Variants in RREB1 observed in about 807,000 individuals in gnomAD.
RREB1 encodes the protein ras-responsive element-binding protein 1.
RREB1 carries 27 observed loss-of-function variants against 117.8 expected under a neutral mutation model. The ratio of observed to expected loss-of-function variants is 0.23; its 90% CI spans 0.17 to 0.32. The LOEUF is 0.32. RREB1 is among the 10% of genes least tolerant of loss of function. The probability of loss-of-function intolerance (pLI) is 1.00; values close to 1 mark genes in which losing one functional copy is unlikely to be tolerated. For synonymous variants in RREB1, 1,298 were observed against 1,026.7 expected (o/e 1.26, Z -5.05); for missense variants, 2,577 against 2,378.2 (o/e 1.08, Z -1.74).
intron 1 of RREB1, among the ~76,000 whole-genome samples, chr6:7,117,266 A>T (rs1761442031): frequency 6.6e-6 from 1 of 152,134 alleles, no homozygotes; most frequent in Non-Finnish European, 1.5e-5. Context: ...CTGAATATAC[A>T]AAATCAAAAT....
At chr6:7,223,377 C>T (rs1767383275) in intron 8 of RREB1, among the ~76,000 whole-genome samples, 1 of 151,026 alleles carries the variant, frequency 6.6e-6, no homozygotes, top group South Asian at 2.1e-4. Flanking sequence ...GCCTGGCCAA[C>T]ATGGAGAAAC....
chr6:7,200,359 TC>T lies in RREB1; in HGVS notation c.426-10443del, dbSNP rs1337316901. On this transcript the variant is annotated intron_variant, in intron 6 of 12. Coordinates refer to ENST00000379938, the MANE Select transcript of RREB1 (RefSeq NM_001003699.4). Reference sequence around the variant, plus strand: ...GGAGCGCAATGGCACAATCTCTGCCTCCTGGGTTCAAGCAATTCTCCTGCTT... The same window carrying T: ...GGAGCGCAATGGCACAATCTCTGCCTCTGGGTTCAAGCAATTCTCCTGCTT... 2.7e-5 allele frequency among the ~76,000 whole-genome samples: 4 copies of T among 150,676 alleles called. No individual in the cohort carries two copies. The East Asian group carries it at 7.9e-4, about 30-fold the overall frequency.
At chr6:7,169,574 G>A (rs960480511) in intron 1 of RREB1, among the ~76,000 whole-genome samples, 1 of 152,206 alleles carries the variant, frequency 6.6e-6, no homozygotes, top group African/African-American at 2.4e-5. Context: ...GGGGAGCCGG[G>A]TGCTGTGTGA....
chr6:7,161,777 G>T (rs192664427), intron 1 of RREB1, among the ~76,000 whole-genome samples: 25 of 152,124 alleles, frequency 1.6e-4, no homozygotes, highest in African/African-American at 5.5e-4. Context: ...CGCCTGCCTG[G>T]CCTCCTTTTG....
Position 7,231,018 on chromosome 6 carries a change from A to G in RREB1, c.2919A>G (p.Pro973=). The G allele has an allele frequency of 1.2e-6, 2 of 1,614,092 alleles. No individual in the cohort carries two copies. The highest frequency in any genetic ancestry group is 1.1e-5 in the South Asian group (1 of 91,090). The change falls in exon 10 of 13, where the codon CCA becomes CCG. Residue 973 remains proline (P), a synonymous_variant. Coordinates refer to ENST00000379938, the MANE Select transcript of RREB1 (RefSeq NM_001003699.4). ...AGSSEQPSPC[P]APGPSLPVTL... is the part of the protein sequence containing the mutation. ...GCAGCGAGCAGCCCTCTCCCTGCCCAGCACCCGGCCCTTCTCTTCCTGTAA... is the reference window on the plus strand; with the variant it reads ...GCAGCGAGCAGCCCTCTCCCTGCCCGGCACCCGGCCCTTCTCTTCCTGTAA...
chr6:7,210,893 G>A lies in RREB1; in HGVS notation c.515G>A (p.Arg172Lys), dbSNP rs1237382345. Residue 172 changes from arginine (R) to lysine (K), a missense_variant, in exon 7 of 13, where the codon AGG (arginine) becomes AAG (lysine). Physicochemically the swap from Arg to Lys is conservative, Grantham distance 26. Coordinates refer to ENST00000379938, the MANE Select transcript of RREB1 (RefSeq NM_001003699.4). ...PLKRRRLSSK[R>K]KLSHDAESER... ...AAACGTAGGCGATTGTCCTCCAAGA[G>A]GAAACTGAGTCACGATGCCGAGTCA... 1.9e-6 allele frequency: 3 copies of A among 1,614,168 alleles called. No individual in the cohort carries two copies. The highest frequency in any genetic ancestry group is 1.7e-6 in the Non-Finnish European group (2 of 1,180,010).
intron 1 of RREB1, among the ~76,000 whole-genome samples, chr6:7,166,908 A>T (rs1435604782): frequency 6.6e-6 from 1 of 152,188 alleles, no homozygotes; most frequent in Admixed American, 6.5e-5. Context: ...GAGTTGCAGG[A>T]TATTGCCTAA....
intron 6 of RREB1, among the ~76,000 whole-genome samples, chr6:7,191,534 A>G (rs1170307513): frequency 6.6e-6 from 1 of 152,152 alleles, no homozygotes; most frequent in Non-Finnish European, 1.5e-5. Flanking sequence ...AAGTCGAGGA[A>G]TTGCCAAACT....
intron 1 of RREB1, among the ~76,000 whole-genome samples, chr6:7,150,073 GAACACTTCAGCACTCCA>G (rs1484708267): frequency 6.6e-6 from 1 of 151,340 alleles, no homozygotes; most frequent in Non-Finnish European, 1.5e-5. Context: ...TATAGGTAGA[GAACACTTCAGCACTCCA>G]TGGTGCTATA....
intron 6 of RREB1, among the ~76,000 whole-genome samples, chr6:7,195,225 G>A (rs539485344): frequency 6.6e-6 from 1 of 152,216 alleles, no homozygotes; most frequent in African/African-American, 2.4e-5. Context: ...AAATACTAGG[G>A]ATTATCATAC....
chr6:7,231,054 C>T lies in RREB1; in HGVS notation c.2955C>T (p.Pro985=), dbSNP rs200974282. 6.7e-4 allele frequency: 1,077 copies of T among 1,613,820 alleles called. 3 individuals are homozygous for T. Among genetic ancestry groups the T allele is most frequent in the Non-Finnish European group, 5.8e-4 (689 of 1,180,000 alleles). The change falls in exon 10 of 13, where the codon CCC becomes CCT. Residue 985 remains proline, a synonymous_variant. Transcript: ENST00000379938. ...CTTCTCTTCCTGTAACTTTGGGGCC[C>T]AGCGGAATCCTGGAAAGCCCCATGG... ...PGPSLPVTLG[P]SGILESPMAP...
At chr6:7,171,123 G>A (rs1277330044) in intron 1 of RREB1, among the ~76,000 whole-genome samples, 1 of 152,208 alleles carries the variant, frequency 6.6e-6, no homozygotes, top group Non-Finnish European at 1.5e-5. Flanking sequence ...GACTGTTCAG[G>A]ATTCAGGCAG....
At chr6:7,240,266 T>A (rs140631619) in intron 10 of RREB1, among the ~76,000 whole-genome samples, 172 bp from the exon 11 acceptor site, 67 of 152,138 alleles carry the variant, frequency 4.4e-4, no homozygotes, top group Middle Eastern at 3.4e-3. Flanking sequence ...GGGAGAATGA[T>A]CATTTTAGTC....
intron 1 of RREB1, among the ~76,000 whole-genome samples, chr6:7,162,589 A>G (rs1397770784): frequency 6.6e-6 from 1 of 152,112 alleles, no homozygotes; most frequent in Non-Finnish European, 1.5e-5. Flanking sequence ...CTGGAATGTT[A>G]GTAGCCTTAG....
At chr6:7,236,731 C>G (rs1371950634) in intron 10 of RREB1, among the ~76,000 whole-genome samples, 1 of 148,058 alleles carries the variant, frequency 6.8e-6, no homozygotes, top group African/African-American at 2.5e-5. Flanking sequence ...GTTTTCAGTT[C>G]TGTTTTTTTT....
At chr6:7,218,225 C>T (rs181694261) in intron 8 of RREB1, 15 of 152,310 alleles carry the variant, frequency 9.8e-5, no homozygotes, top group African/African-American at 2.9e-4. Flanking sequence ...ATTCACCCTT[C>T]TTGCTGATTG....
At chr6:7,138,316 T>C (rs1475962089) in intron 1 of RREB1, among the ~76,000 whole-genome samples, 1 of 152,154 alleles carries the variant, frequency 6.6e-6, no homozygotes. Context: ...TCTTAATTGG[T>C]GGGAAGGAAA....
chr6:7,249,263 A>G lies in RREB1; in HGVS notation c.*295A>G, dbSNP rs555170557. 2.6e-6 allele frequency: 1 copy of G among 384,768 alleles called. No homozygotes were observed. The highest frequency in any genetic ancestry group is 2.1e-5 in the African/African-American group (1 of 48,728). The allele number at this position is 384,768 out of a possible 1,614,324, so 23.8% of individuals were successfully genotyped here. On this transcript the variant is annotated 3_prime_UTR_variant, in exon 13 of 13. Coordinates refer to ENST00000379938, the MANE Select transcript of RREB1 (RefSeq NM_001003699.4). ...CCAAAATGACTTCTTAAACAAAACAAATATTATAATGAATTGTCTGGAGAG... is the reference window on the plus strand; with the variant it reads ...CCAAAATGACTTCTTAAACAAAACAGATATTATAATGAATTGTCTGGAGAG...
rs780219010 is a variant in RREB1, at chr6:7,229,667, C to T, written c.1568C>T (p.Thr523Met). Residue 523 changes from threonine (T) to methionine (M), a missense_variant, in exon 10 of 13, where the codon ACG (threonine) becomes ATG (methionine). Transcript: ENST00000379938. This position sits in a 1 kb window ranked among gnomAD's most constrained non-coding sequence, Gnocchi z 4.5. The part of the protein sequence containing the change: ...VTPRTVVATS[T>M]PPPLINAQQA... The stretch of plus-strand genomic sequence containing the variant: ...CCACGGACGGTGGTGGCCACCTCCA[C>T]GCCCCCGCCTCTCATCAACGCCCAG... 22 of 1,611,164 alleles carry T rather than the reference C, an allele frequency of 1.4e-5. No homozygotes were observed. The highest frequency in any genetic ancestry group is 1.2e-4 in the Admixed American group (7 of 59,868).
Sources: allele counts gnomAD v4.1 joint callset (sites outside exome capture counted in the v4.1 genomes callset), GRCh38; gene constraint gnomAD v4.1.1; non-coding constraint Gnocchi (gnomAD v3.1); transcripts MANE v1.5; gene names NCBI Gene and HGNC (gene_info 2026-07-23, HGNC 2026-07-21).